Variants in TMC7 observed in about 807,000 individuals in gnomAD.
TMC7 encodes transmembrane channel-like protein 7.
TMC7 carries 54 observed loss-of-function variants against 82.9 expected under a neutral mutation model. The ratio of observed to expected loss-of-function variants is 0.65; its 90% CI spans 0.52 to 0.82. The LOEUF (loss-of-function observed/expected upper bound fraction) is 0.82. TMC7 is among the 40% of genes least tolerant of loss of function. TMC7 has a pLI of 0.00. For synonymous variants in TMC7, 350 were observed against 337.9 expected, an observed-to-expected ratio of 1.04 and a Z score of -0.39; for missense variants, 820 against 901.2, an observed-to-expected ratio of 0.91 and a Z score of 1.15.
chr16:19,050,637 C>G (rs907505835), intron 12 of TMC7, among the ~76,000 whole-genome samples: 1 of 152,110 alleles, frequency 6.6e-6, no homozygotes, highest in African/African-American at 2.4e-5. Context: ...TACAGGTGCA[C>G]ACCACCATGG....
rs116278889 is a variant in TMC7 at position 19,020,729 on chromosome 16, G to A, written c.461-900G>A. 8.4e-3 allele frequency among the ~76,000 whole-genome samples: 1,276 copies of A among 152,148 alleles called. 21 individuals are homozygous for A. The highest frequency in any genetic ancestry group is 0.029 in the African/African-American group (1,214 of 41,512). ...CTAAAAACATAAAAATTAGCTGGGC[G>A]TGGTGGCTCAGCCTCGGGAGGCTAA... is the stretch of plus-strand genomic sequence containing the variant. On this transcript the variant is annotated intron_variant, in intron 3 of 15. Transcript: ENST00000304381.
intron 1 of TMC7, among the ~76,000 whole-genome samples, chr16:19,006,349 T>C (rs181505033): frequency 2.0e-5 from 3 of 152,278 alleles, no homozygotes; most frequent in Non-Finnish European, 4.4e-5. Context: ...CGTGCCCAGC[T>C]AATTTTGTAT....
chr16:19,043,193 C>T (rs536147016), intron 9 of TMC7, among the ~76,000 whole-genome samples: 2 of 152,026 alleles, frequency 1.3e-5, no homozygotes, highest in Non-Finnish European at 2.9e-5. Context: ...CCAACACTCA[C>T]GTTTTTTCTT....
intron 5 of TMC7, among the ~76,000 whole-genome samples, chr16:19,024,554 T>A (rs7192335): frequency 0.021 from 3,213 of 152,260 alleles, 82 homozygotes; most frequent in African/African-American, 0.062. Flanking sequence ...TATTCTTTTT[T>A]TTTATTTATT....
chr16:19,057,765 A>G (rs1961836886), intron 14 of TMC7, among the ~76,000 whole-genome samples: 1 of 152,208 alleles, frequency 6.6e-6, no homozygotes, highest in Non-Finnish European at 1.5e-5. Context: ...CTTGGCCCTC[A>G]TTTCATCAGC....
At chr16:19,059,765 T>C in intron 15 of TMC7, 2 of 1,249,470 alleles carry the variant, frequency 1.6e-6, no homozygotes, top group Non-Finnish European at 2.2e-6. Context: ...TTACTTGAGC[T>C]CAGGAGTTCA....
chr16:19,022,976 C>T (rs921676046), intron 4 of TMC7, 137 bp from the exon 5 acceptor site: 10 of 453,612 alleles, frequency 2.2e-5, no homozygotes, highest in East Asian at 7.3e-5. Context: ...GCCAAGATCA[C>T]GCCATTGCAC....
rs201258676 is a variant in TMC7 at position 19,047,177 on chromosome 16, C to T, written c.1668C>T (p.Ile556=). Reference sequence around the variant, plus strand: ...TTTACGGGCAAACCATCTGCTGGATCGGAGCCTTTTTCTCACCCCTTCTCC... The same window carrying T: ...TTTACGGGCAAACCATCTGCTGGATTGGAGCCTTTTTCTCACCCCTTCTCC... ...GIVYGQTICW[I]GAFFSPLLPA... The change falls in exon 12 of 16, where the codon ATC becomes ATT. Residue 556 remains isoleucine (I), a synonymous_variant. Transcript: ENST00000304381. 1.3e-3 allele frequency: 2,084 copies of T among 1,613,904 alleles called. 13 individuals are homozygous for T. The highest frequency in any genetic ancestry group is 7.5e-3 in the South Asian group (684 of 91,066).
intron 1 of TMC7, among the ~76,000 whole-genome samples, chr16:18,990,932 G>A (rs866336451): frequency 1.6e-4 from 24 of 152,250 alleles, no homozygotes; most frequent in African/African-American, 5.1e-4. Flanking sequence ...GGATGTATAC[G>A]TGCAGGTCAC....
chr16:19,035,409 C>A (rs2142251651), intron 6 of TMC7, among the ~76,000 whole-genome samples: 1 of 152,266 alleles, frequency 6.6e-6, no homozygotes, highest in East Asian at 1.9e-4. Flanking sequence ...TGCACATGTA[C>A]TCCTGAATCT....
chr16:19,051,965 G>A, intron 13 of TMC7, 149 bp downstream of exon 13: 1 of 1,022,212 alleles, frequency 9.8e-7, no homozygotes, highest in Non-Finnish European at 1.4e-6. Flanking sequence ...CGCAGTCTTG[G>A]CTCACTGCAA....
intron 12 of TMC7, chr16:19,049,499 G>T: frequency 2.6e-6 from 1 of 381,412 alleles, no homozygotes; most frequent in Non-Finnish European, 3.6e-6. Flanking sequence ...TGGATGTTTT[G>T]GCTTTTGAAG....
intron 1 of TMC7, among the ~76,000 whole-genome samples, chr16:19,004,707 C>A (rs918109597): frequency 3.9e-5 from 6 of 152,078 alleles, no homozygotes; most frequent in Non-Finnish European, 8.8e-5. Flanking sequence ...AAATCCATGG[C>A]CCCCTGAATT....
intron 1 of TMC7, among the ~76,000 whole-genome samples, chr16:18,995,717 C>G (rs2039032515): frequency 6.6e-6 from 1 of 152,150 alleles, no homozygotes; most frequent in Non-Finnish European, 1.5e-5. Flanking sequence ...AATTGCAACT[C>G]AGAAATACGT....
At chr16:19,028,257 G>A (rs1198449852) in intron 5 of TMC7, among the ~76,000 whole-genome samples, 1 of 152,014 alleles carries the variant, frequency 6.6e-6, no homozygotes, top group African/African-American at 2.4e-5. Flanking sequence ...CAGTCAGCCG[G>A]GCACAGTGGC....
Position 19,059,742 on chromosome 16 carries a change from C to T in TMC7, c.2106+248C>T, listed in dbSNP as rs150854431. 4.1e-3 allele frequency: 5,774 copies of T among 1,425,200 alleles called. 165 individuals are homozygous for T. The African/African-American group carries it at 0.064, about 16-fold the overall frequency. 88.3% of individuals were successfully genotyped at this position (1,425,200 alleles called of 1,614,324 possible). The stretch of plus-strand genomic sequence containing the variant: ...TGTAATCCCAGCACTTTTGGGAGGC[C>T]GAGGCAGGCAGATTACTTGAGCTCA... On this transcript the variant is annotated intron_variant, in intron 15 of 15. Transcript: ENST00000304381.
chr16:19,033,287 C>T (rs747866605), intron 6 of TMC7, among the ~76,000 whole-genome samples: 1 of 152,178 alleles, frequency 6.6e-6, no homozygotes, highest in Non-Finnish European at 1.5e-5. Context: ...TTATCATCAT[C>T]ATCATCCTTA....
chr16:18,992,707 C>T (rs1046063553), intron 1 of TMC7, among the ~76,000 whole-genome samples: 3 of 152,144 alleles, frequency 2.0e-5, no homozygotes, highest in African/African-American at 7.2e-5. Context: ...CCTAGGTTTT[C>T]TTCTAGGGTT....
At chr16:19,005,717 T>C (rs1356151709) in intron 1 of TMC7, among the ~76,000 whole-genome samples, 1 of 152,186 alleles carries the variant, frequency 6.6e-6, no homozygotes, top group Non-Finnish European at 1.5e-5. Flanking sequence ...ATAATAGCTC[T>C]TTGTTTCTGC....
Sources: allele counts gnomAD v4.1 joint callset (sites outside exome capture counted in the v4.1 genomes callset), GRCh38; gene constraint gnomAD v4.1.1; transcripts MANE v1.5; gene names NCBI Gene and HGNC (gene_info 2026-07-23, HGNC 2026-07-21).